The following TTYH3 variants were observed in gnomAD, a reference collection of about 807,000 sequenced individuals.
The protein encoded by TTYH3 is tweety family member 3.
In TTYH3, 23 loss-of-function variants were observed where a neutral mutation model predicts 68.2. The ratio of observed to expected loss-of-function variants is 0.34; its 90% CI spans 0.24 to 0.48. The LOEUF (loss-of-function observed/expected upper bound fraction) is 0.48, where lower values mean the gene tolerates loss of function less well. TTYH3 is among the 20% of genes least tolerant of loss of function. The pLI, the probability that TTYH3 is intolerant of heterozygous loss-of-function variation, is 0.99. For synonymous variants in TTYH3, 360 were observed against 332.8 expected (o/e 1.08, Z -0.89); for missense variants, 768 against 727.7 (o/e 1.06, Z -0.64).
At chr7:2,638,921 G>A (rs1041245485) in intron 1 of TTYH3, among the ~76,000 whole-genome samples, 1 of 152,116 alleles carries the variant, frequency 6.6e-6, no homozygotes, top group Non-Finnish European at 1.5e-5. Context: ...CCCTGACATG[G>A]GGGTGGTGGT....
chr7:2,648,935 G>A lies in TTYH3; in HGVS notation c.723-632G>A, dbSNP rs12700212. 4.0e-3 allele frequency among the ~76,000 whole-genome samples: 160 copies of A among 40,092 alleles called. 2 individuals are homozygous for A. Among genetic ancestry groups the A allele is most frequent in the Admixed American group, 5.7e-3 (22 of 3,832 alleles). The allele number at this position is 40,092 out of a possible 152,430, so 26.3% of individuals were successfully genotyped here. On this transcript the variant is annotated intron_variant, in intron 5 of 13. Transcript: ENST00000258796. ...TGGGGTGTGGGGCCCGCAGTGGGGTGTGGGGCCCGCAGTGGGGTGTGGGGC... is the reference window on the plus strand; with the variant it reads ...TGGGGTGTGGGGCCCGCAGTGGGGTATGGGGCCCGCAGTGGGGTGTGGGGC...
At chr7:2,659,829 G>A (rs1019174660) in intron 13 of TTYH3, 9 of 1,217,464 alleles carry the variant, frequency 7.4e-6, no homozygotes, top group Non-Finnish European at 9.5e-6. Context: ...GGCTGCCCTC[G>A]TCCTCGCCAT....
At chr7:2,638,901 A>G (rs1463172898) in intron 1 of TTYH3, among the ~76,000 whole-genome samples, 2 of 152,140 alleles carry the variant, frequency 1.3e-5, no homozygotes, top group Non-Finnish European at 2.9e-5. Flanking sequence ...CCCACTTCCC[A>G]GTGGCGGGCC....
intron 13 of TTYH3, among the ~76,000 whole-genome samples, chr7:2,660,957 C>T (rs1478380764): frequency 1.3e-5 from 2 of 152,224 alleles, no homozygotes; most frequent in African/African-American, 2.4e-5. Flanking sequence ...CCTGCCTGGA[C>T]GAGGGCACCC....
At chr7:2,651,161 G>GC (rs1231046998) in intron 7 of TTYH3, among the ~76,000 whole-genome samples, 3 of 152,102 alleles carry the variant, frequency 2.0e-5, no homozygotes, top group Admixed American at 6.5e-5. Context: ...AGCTTCTCAG[G>GC]CCCCCCTTGT....
At position 2,662,991 on chromosome 7, in the gene TTYH3, T is replaced by C. The variant is rs1786533555; in HGVS notation, c.*1252T>C. 6.6e-6 allele frequency: 1 copy of C among 152,298 alleles called. No individual in the cohort carries two copies. Among genetic ancestry groups the C allele is most frequent in the Non-Finnish European group, 1.5e-5 (1 of 68,092 alleles). 9.4% of individuals were successfully genotyped at this position (152,298 alleles called of 1,614,324 possible). ...CGCGGGCTTTGGACTGAGGTCCCTG[T>C]GGCCTCGGTCTCCTCCCCATGAAGT... On this transcript the variant is annotated 3_prime_UTR_variant, in exon 14 of 14. Transcript: ENST00000258796.
rs1457242227 is a variant in TTYH3, at chr7:2,645,417, T to A, written c.124-1436T>A. On this transcript the variant is annotated intron_variant, in intron 1 of 13. Transcript: ENST00000258796. The surrounding 1 kb of genome is among the most constrained non-coding windows in gnomAD (Gnocchi z 4.8). ...GGACAGCTCTGGGGCCACGTTACCCTCCCTCCCCGCAGCGGGTGCTGAGGA... is the reference window on the plus strand; with the variant it reads ...GGACAGCTCTGGGGCCACGTTACCCACCCTCCCCGCAGCGGGTGCTGAGGA... 4.1e-5 allele frequency: 7 copies of A among 170,044 alleles called. No individual in the cohort carries two copies. Among genetic ancestry groups the A allele is most frequent in the African/African-American group, 1.7e-4 (7 of 42,048 alleles). 10.5% of individuals were successfully genotyped at this position (170,044 alleles called of 1,614,324 possible). A position where few individuals can be genotyped will look rare whatever the true frequency, so the allele number is the denominator to read the frequency against.
rs184788368 is a variant in TTYH3, at chr7:2,654,563, C to G, written c.1021-1529C>G. Among the ~76,000 whole-genome samples, 273 of 152,282 alleles carry G rather than the reference C, an allele frequency of 1.8e-3. 1 individual carries two copies. The highest frequency in any genetic ancestry group is 5.9e-3 in the African/African-American group (247 of 41,574). ...AGAGCTCCCTCTTGGCGTTTTTGCA[C>G]TCGAGTGGGTAGGGAAGTGGATTCG... On this transcript the variant is annotated intron_variant, in intron 9 of 13. Coordinates refer to ENST00000258796, the MANE Select transcript of TTYH3 (RefSeq NM_025250.3).
At chr7:2,658,856 C>A in intron 12 of TTYH3, 84 bp from the exon 13 acceptor site, 1 of 1,322,942 alleles carries the variant, frequency 7.6e-7, no homozygotes, top group Non-Finnish European at 1.1e-6. Context: ...CTGGGCACAG[C>A]GGGCCTACCC....
At chr7:2,642,970 G>T in intron 1 of TTYH3, among the ~76,000 whole-genome samples, 1 of 151,680 alleles carries the variant, frequency 6.6e-6, no homozygotes, top group East Asian at 1.9e-4. Flanking sequence ...GGCTGAGGCA[G>T]GAGAATGGCT....
At chr7:2,632,880 G>C (rs962638451) in intron 1 of TTYH3, among the ~76,000 whole-genome samples, 8 of 152,240 alleles carry the variant, frequency 5.3e-5, no homozygotes, top group African/African-American at 1.9e-4. Flanking sequence ...CGGTCAGGCT[G>C]TGGGATGTAC....
At chr7:2,640,809 C>T (rs1785820915) in intron 1 of TTYH3, among the ~76,000 whole-genome samples, 1 of 152,192 alleles carries the variant, frequency 6.6e-6, no homozygotes, top group African/African-American at 2.4e-5. Flanking sequence ...CGTCCTAAGG[C>T]CTTGTGGCTC....
In TTYH3 at chr7:2,656,200, TG is replaced by T; in HGVS notation, c.1113+19del. 6.4e-7 allele frequency: 1 copy of T among 1,561,026 alleles called. No homozygotes were observed. Reference sequence around the variant, plus strand: ...CCTGCATCTGGTGAGAGGCAGGGCCTGGGACAGGGCCATGGCAGCTTGTAGG... The same window carrying T: ...CCTGCATCTGGTGAGAGGCAGGGCCTGGACAGGGCCATGGCAGCTTGTAGG... On this transcript the variant is annotated intron_variant, in intron 10 of 13. Coordinates refer to ENST00000258796, the MANE Select transcript of TTYH3 (RefSeq NM_025250.3).
chr7:2,662,365 A>C lies in TTYH3; in HGVS notation c.*626A>C. 1 of 152,048 alleles carries C rather than the reference A, an allele frequency of 6.6e-6. No individual in the cohort carries two copies. Among genetic ancestry groups the C allele is most frequent in the Admixed American group, 6.5e-5 (1 of 15,412 alleles). The allele number at this position is 152,048 out of a possible 1,614,324, so 9.4% of individuals were successfully genotyped here. Reference sequence around the variant, plus strand: ...GGCCTCTCTCCGTTGCCCCAGCTTCACTCTCTCCCTCAGCACCTGCCCTGC... The same window carrying C: ...GGCCTCTCTCCGTTGCCCCAGCTTCCCTCTCTCCCTCAGCACCTGCCCTGC... On this transcript the variant is annotated 3_prime_UTR_variant, in exon 14 of 14. Coordinates refer to ENST00000258796, the MANE Select transcript of TTYH3 (RefSeq NM_025250.3).
chr7:2,659,916 C>T (rs1197779059), intron 13 of TTYH3: 4 of 1,298,870 alleles, frequency 3.1e-6, no homozygotes, highest in South Asian at 2.5e-5. Flanking sequence ...TCTCTTGCAC[C>T]CCACCCACCC....
intron 1 of TTYH3, among the ~76,000 whole-genome samples, chr7:2,634,541 C>T (rs951588873): frequency 7.4e-6 from 1 of 134,428 alleles, no homozygotes; most frequent in Admixed American, 7.9e-5. Flanking sequence ...GAGTGGGCAT[C>T]TGCCCCGTGG....
In TTYH3 at chr7:2,632,000, AGCCGAGCCGG is replaced by A. The variant is rs1332920305; in HGVS notation, c.-141_-132del. ...CGGGCGGCCGAGCGGAGCCGAGCGC[AGCCGAGCCGG>A]GCCGAGCCGGGCCGGGCCGGGCCCA... On this transcript the variant is annotated 5_prime_UTR_variant, in exon 1 of 14. Transcript: ENST00000258796. The A allele has an allele frequency of 1.4e-5, 7 of 518,006 alleles. No individual in the cohort carries two copies. Among genetic ancestry groups the A allele is most frequent in the East Asian group, 1.3e-4 (1 of 7,518 alleles). 32.1% of individuals were successfully genotyped at this position (518,006 alleles called of 1,614,324 possible). A position where few individuals can be genotyped will look rare whatever the true frequency, so the allele number is the denominator to read the frequency against.
intron 7 of TTYH3, among the ~76,000 whole-genome samples, chr7:2,651,488 G>A (rs1168444155): frequency 6.6e-6 from 1 of 152,192 alleles, no homozygotes; most frequent in African/African-American, 2.4e-5. Context: ...CCTTGGCCCC[G>A]GTGCTATCAT....
chr7:2,654,248 A>G (rs115873291), intron 9 of TTYH3, among the ~76,000 whole-genome samples: 132 of 152,160 alleles, frequency 8.7e-4, no homozygotes, highest in African/African-American at 3.1e-3. Flanking sequence ...TACAAAAACT[A>G]GCTAGGTGTG....
Sources: allele counts gnomAD v4.1 joint callset (sites outside exome capture counted in the v4.1 genomes callset), GRCh38; gene constraint gnomAD v4.1.1; non-coding constraint Gnocchi (gnomAD v3.1); transcripts MANE v1.5; gene names NCBI Gene and HGNC (gene_info 2026-07-23, HGNC 2026-07-21).